Variants in LRRIQ1 observed in about 807,000 individuals in gnomAD.
LRRIQ1 encodes leucine-rich repeat- and IQ domain-containing protein 1.
In LRRIQ1, 210 loss-of-function variants were observed where a neutral mutation model predicts 211.9. The ratio of observed to expected loss-of-function variants is 0.99; its 90% CI spans 0.89 to 1.11. The LOEUF (loss-of-function observed/expected upper bound fraction) is 1.11, where lower values mean the gene tolerates loss of function less well. Ranked by LOEUF, LRRIQ1 falls within the 50% of genes most tolerant of loss-of-function variation. LRRIQ1 has a pLI of 0.00. For synonymous variants in LRRIQ1, 699 were observed against 650.1 expected (o/e 1.08, Z -1.14); for missense variants, 2,136 against 1,939.5 (o/e 1.10, Z -1.90).
At chr12:85,166,581 C>T (rs1291407024) in intron 24 of LRRIQ1, among the ~76,000 whole-genome samples, 2 of 152,066 alleles carry the variant, frequency 1.3e-5, no homozygotes, top group Non-Finnish European at 2.9e-5. Context: ...TTTTTAATGC[C>T]AGCTTAGAGA....
chr12:85,167,404 A>G (rs1404076142), intron 24 of LRRIQ1, among the ~76,000 whole-genome samples: 1 of 152,162 alleles, frequency 6.6e-6, no homozygotes, highest in Non-Finnish European at 1.5e-5. Context: ...TCAAAACCTC[A>G]AAAGTAGGGA....
intron 19 of LRRIQ1, among the ~76,000 whole-genome samples, chr12:85,141,262 T>C (rs1325530989): frequency 6.6e-6 from 1 of 151,462 alleles, no homozygotes; most frequent in African/African-American, 2.4e-5. Context: ...AAATCTCATT[T>C]ACTTTAAGTT....
chr12:85,204,573 A>T (rs1005396372), intron 24 of LRRIQ1, among the ~76,000 whole-genome samples: 1 of 152,202 alleles, frequency 6.6e-6, no homozygotes, highest in South Asian at 2.1e-4. Context: ...CTGTTGCATC[A>T]GTGTGACCTA....
intron 15 of LRRIQ1, 101 bp downstream of exon 15, chr12:85,106,716 T>C: frequency 1.3e-6 from 1 of 759,264 alleles, no homozygotes; most frequent in Non-Finnish European, 2.1e-6. Context: ...TAGGATAAGT[T>C]AATTAAAAAA....
intron 24 of LRRIQ1, among the ~76,000 whole-genome samples, chr12:85,184,099 G>A (rs74111605): frequency 0.015 from 2,293 of 152,118 alleles, 60 homozygotes; most frequent in African/African-American, 0.051. Context: ...CTTAGAGTGC[G>A]AAACTCAGAT....
At chr12:85,220,062 T>C (rs1378839883) in intron 24 of LRRIQ1, among the ~76,000 whole-genome samples, 2 of 152,284 alleles carry the variant, frequency 1.3e-5, no homozygotes, top group South Asian at 2.1e-4. Context: ...TGCTTTATAG[T>C]GTAAATCAAA....
chr12:85,039,418 GA>G (rs1380791640), intron 2 of LRRIQ1, among the ~76,000 whole-genome samples: 2 of 151,470 alleles, frequency 1.3e-5, no homozygotes, highest in Non-Finnish European at 3.0e-5. Flanking sequence ...AGTTAAACAA[GA>G]AATAGAAATC....
chr12:85,040,381 A>T, intron 2 of LRRIQ1, 109 bp from the exon 3 acceptor site: 1 of 529,024 alleles, frequency 1.9e-6, no homozygotes, highest in East Asian at 3.0e-5. Flanking sequence ...TTTTTACTTC[A>T]TTTACATGTT....
chr12:85,211,465 A>T (rs1319549549), intron 24 of LRRIQ1, among the ~76,000 whole-genome samples: 1 of 152,170 alleles, frequency 6.6e-6, no homozygotes, highest in African/African-American at 2.4e-5. Context: ...TGATTTTGGG[A>T]TACGTGTTAT....
the LRRIQ1 span, among the ~76,000 whole-genome samples, chr12:85,271,461 C>A: frequency 1.3e-5 from 2 of 152,146 alleles, no homozygotes; most frequent in East Asian, 1.9e-4. Flanking sequence ...TTTCTTACAA[C>A]CATGCTTTAA....
chr12:85,120,406 A>G (rs1887887166), intron 15 of LRRIQ1, among the ~76,000 whole-genome samples: 2 of 152,186 alleles, frequency 1.3e-5, no homozygotes, highest in African/African-American at 4.8e-5. Context: ...TTCTTTCACC[A>G]ATACCATACT....
chr12:85,065,757 A>G (rs1458403889), intron 9 of LRRIQ1, among the ~76,000 whole-genome samples: 2 of 151,802 alleles, frequency 1.3e-5, no homozygotes, highest in Non-Finnish European at 1.5e-5. Flanking sequence ...TTGGCTGGGC[A>G]TTTTTTCTGA....
At chr12:85,091,542 A>G (rs1324825520) in intron 11 of LRRIQ1, among the ~76,000 whole-genome samples, 1 of 151,996 alleles carries the variant, frequency 6.6e-6, no homozygotes, top group Non-Finnish European at 1.5e-5. Context: ...TGTTGTTGCA[A>G]TTGCTTTTGG....
chr12:85,260,777 G>A (rs995637224), intron 1 of LRRIQ1, among the ~76,000 whole-genome samples: 6 of 152,144 alleles, frequency 3.9e-5, no homozygotes, highest in Non-Finnish European at 7.3e-5. Context: ...GACCAAAGTA[G>A]ACATTCCATT....
At chr12:85,222,061 G>C (rs1336977685) in intron 24 of LRRIQ1, among the ~76,000 whole-genome samples, 1 of 152,132 alleles carries the variant, frequency 6.6e-6, no homozygotes, top group Non-Finnish European at 1.5e-5. Context: ...TGAGAGGTGA[G>C]AAAGAATCAG....
At chr12:85,223,639 G>A (rs1223780753) in intron 24 of LRRIQ1, among the ~76,000 whole-genome samples, 1 of 151,992 alleles carries the variant, frequency 6.6e-6, no homozygotes, top group African/African-American at 2.4e-5. Flanking sequence ...AGAAGATTTG[G>A]GGCAAATATA....
At chr12:85,212,521 G>A (rs991025499) in intron 24 of LRRIQ1, among the ~76,000 whole-genome samples, 1 of 151,546 alleles carries the variant, frequency 6.6e-6, no homozygotes. Context: ...GTGAAATCAA[G>A]CATAAATTTA....
chr12:85,143,524 T>C (rs1889682109), intron 19 of LRRIQ1, among the ~76,000 whole-genome samples: 1 of 151,588 alleles, frequency 6.6e-6, no homozygotes, highest in South Asian at 2.1e-4. Flanking sequence ...TAGGTTCATA[T>C]TTTTAAAATC....
At chr12:85,226,486 T>G (rs924103477) in intron 24 of LRRIQ1, among the ~76,000 whole-genome samples, 1 of 151,944 alleles carries the variant, frequency 6.6e-6, no homozygotes, top group African/African-American at 2.4e-5. Flanking sequence ...TCCCTTTGTT[T>G]GAGTGTGTCT....
Sources: allele counts gnomAD v4.1 joint callset (sites outside exome capture counted in the v4.1 genomes callset), GRCh38; gene constraint gnomAD v4.1.1; transcripts MANE v1.5; gene names NCBI Gene and HGNC (gene_info 2026-07-23, HGNC 2026-07-21).